CSMD1: variants seen among roughly 807,000 people sequenced by gnomAD.
CSMD1 encodes CUB and Sushi multiple domains 1.
Under a neutral mutation model 417.5 loss-of-function variants are expected in CSMD1, and 213 were observed. The ratio of observed to expected loss-of-function variants is 0.51; its 90% CI spans 0.46 to 0.57. CSMD1 has a LOEUF of 0.57. CSMD1 is among the 20% of genes least tolerant of loss of function. The pLI is 0.00. For missense variants in CSMD1, 6,923 were observed against 4,529.7 expected, an observed-to-expected ratio of 1.53 and a Z score of -15.17; for synonymous variants, 2,862 against 1,736.8, an observed-to-expected ratio of 1.65 and a Z score of -16.11.
intron 2 of CSMD1, among the ~76,000 whole-genome samples, chr8:4,490,234 G>T (rs1563227770): frequency 1.3e-5 from 2 of 151,896 alleles, no homozygotes; most frequent in African/African-American, 4.8e-5. Flanking sequence ...TAGAGACAGG[G>T]TTTCACCATC....
chr8:4,895,604 T>C lies in CSMD1; in HGVS notation c.85+98728A>G, dbSNP rs968423055. 4.1e-4 allele frequency among the ~76,000 whole-genome samples: 63 copies of C among 152,120 alleles called. 1 individual carries two copies. The highest frequency in any genetic ancestry group is 1.4e-3 in the African/African-American group (60 of 41,390). Reference sequence around the variant, plus strand: ...TTGATTATAGTTATTCGGGGGCTTCTTTTTATGATATGACTTTCCTACTCT... The same window carrying C: ...TTGATTATAGTTATTCGGGGGCTTCCTTTTATGATATGACTTTCCTACTCT... On this transcript the variant is annotated intron_variant, in intron 1 of 69. Coordinates refer to ENST00000635120, the MANE Select transcript of CSMD1 (RefSeq NM_033225.6).
chr8:3,092,259 A>G (rs1454050395), intron 47 of CSMD1, among the ~76,000 whole-genome samples: 1 of 152,218 alleles, frequency 6.6e-6, no homozygotes, highest in African/African-American at 2.4e-5. Context: ...ATTAAAATTA[A>G]CAAACTAGAT....
intron 23 of CSMD1, among the ~76,000 whole-genome samples, chr8:3,322,879 C>A (rs192335988): frequency 6.6e-6 from 1 of 152,310 alleles, no homozygotes; most frequent in East Asian, 1.9e-4. Context: ...TGGCAAATGC[C>A]TGACTTAGGA....
At chr8:3,409,367 C>T (rs1812538086) in intron 13 of CSMD1, 56 bp downstream of exon 13, 2 of 1,429,120 alleles carry the variant, frequency 1.4e-6, no homozygotes, top group South Asian at 1.6e-5. Flanking sequence ...TCCTTTTCTC[C>T]CCTTGCAAGA....
chr8:4,204,809 C>T (rs866486747), intron 3 of CSMD1, among the ~76,000 whole-genome samples: 3 of 150,134 alleles, frequency 2.0e-5, no homozygotes, highest in Admixed American at 6.6e-5. Flanking sequence ...CACAGGTCAG[C>T]ACACACAGCT....
chr8:3,618,520 T>A (rs1802257416), intron 7 of CSMD1, among the ~76,000 whole-genome samples: 1 of 152,140 alleles, frequency 6.6e-6, no homozygotes, highest in Non-Finnish European at 1.5e-5. Flanking sequence ...ATGTGACAAT[T>A]ATATTGAATT....
At chr8:3,206,704 A>G (rs1209607592) in intron 30 of CSMD1, among the ~76,000 whole-genome samples, 2 of 150,738 alleles carry the variant, frequency 1.3e-5, no homozygotes, top group African/African-American at 4.9e-5. Flanking sequence ...GTGGGGGGTT[A>G]TGTCTGTGTG....
chr8:3,289,513 C>G (rs1480502805), intron 25 of CSMD1, among the ~76,000 whole-genome samples: 1 of 144,876 alleles, frequency 6.9e-6, no homozygotes, highest in Non-Finnish European at 1.5e-5. Flanking sequence ...TTAATGATCG[C>G]CATTCTAACT....
At chr8:4,521,709 C>A (rs1803461984) in intron 2 of CSMD1, among the ~76,000 whole-genome samples, 1 of 152,086 alleles carries the variant, frequency 6.6e-6, no homozygotes, top group Non-Finnish European at 1.5e-5. Flanking sequence ...CTGGTATAAG[C>A]CAAACATTTC....
chr8:4,914,899 C>T (rs932132715), intron 1 of CSMD1, among the ~76,000 whole-genome samples: 1 of 152,064 alleles, frequency 6.6e-6, no homozygotes, highest in African/African-American at 2.4e-5. Flanking sequence ...TGGGGTATTC[C>T]CAAGTCACAG....
rs140739782 is a variant in CSMD1, at chr8:4,452,896, A to T, written c.303-32831T>A. On this transcript the variant is annotated intron_variant, in intron 2 of 69. Transcript: ENST00000635120. ...CGACTGTGAAACAAATTCAGTAGAG[A>T]AGCAACGATGGGCACAGTGGTAACA... Among the ~76,000 whole-genome samples the T allele has an allele frequency of 2.0e-3, 303 of 152,342 alleles. 1 individual carries two copies. The highest frequency in any genetic ancestry group is 3.7e-3 in the Non-Finnish European group (251 of 68,032).
At chr8:3,624,096 T>G (rs922798) in intron 7 of CSMD1, among the ~76,000 whole-genome samples, 57,630 of 152,122 alleles carry the variant, frequency 0.38, 11,197 homozygotes, top group Middle Eastern at 0.48. Context: ...AAAAACTTAT[T>G]TTTATTTCTT....
Position 3,998,118 on chromosome 8 carries a change from G to A in CSMD1, c.611-8C>T, listed in dbSNP as rs376934356. 6 of 1,551,332 alleles carry A rather than the reference G, an allele frequency of 3.9e-6. No individual in the cohort carries two copies. In the African/African-American group the frequency reaches 4.1e-5, roughly 11 times the overall value. On this transcript the variant is annotated splice_region_variant and splice_polypyrimidine_tract_variant and intron_variant, in intron 4 of 69. Transcript: ENST00000635120. ...CTCCGCAGGCTCCCTCAGCTGCAGG[G>A]GCAAAAGCAGAAAGAAAGCATCACA... is the stretch of plus-strand genomic sequence containing the variant.
intron 26 of CSMD1, among the ~76,000 whole-genome samples, chr8:3,246,899 TTC>T (rs1218631560): frequency 2.0e-5 from 3 of 152,232 alleles, no homozygotes; most frequent in Admixed American, 6.5e-5. Flanking sequence ...TTCCAATTCT[TTC>T]TCTCTTTTTT....
intron 5 of CSMD1, among the ~76,000 whole-genome samples, chr8:3,862,197 T>C (rs1270577807): frequency 6.6e-6 from 1 of 152,218 alleles, no homozygotes; most frequent in Admixed American, 6.5e-5. Context: ...TTTTTCTAAC[T>C]CTTTTACAAA....
At chr8:4,510,390 TAAAAAAAA>T (rs34791623) in intron 2 of CSMD1, among the ~76,000 whole-genome samples, 2,671 of 54,538 alleles carry the variant, frequency 0.049, 25 homozygotes, top group Non-Finnish European at 0.06. Flanking sequence ...GCATAATGCC[TAAAAAAAA>T]AAAAAAAAAA....
intron 7 of CSMD1, among the ~76,000 whole-genome samples, chr8:3,678,653 C>A (rs1179499952): frequency 3.3e-5 from 5 of 152,150 alleles, no homozygotes; most frequent in Admixed American, 6.5e-5. Context: ...CCTAGCAAGG[C>A]AGGCCAACAT....
intron 2 of CSMD1, among the ~76,000 whole-genome samples, chr8:4,435,061 T>A (rs921480315): frequency 3.3e-5 from 5 of 152,164 alleles, no homozygotes; most frequent in Admixed American, 1.3e-4. Context: ...AGTTTGTGTG[T>A]AATATATCGG....
chr8:4,159,223 C>A (rs994024953), intron 3 of CSMD1, among the ~76,000 whole-genome samples: 23 of 152,196 alleles, frequency 1.5e-4, no homozygotes, highest in African/African-American at 5.5e-4. Context: ...GCCCGTAATT[C>A]TTTATTGATA....
Sources: allele counts gnomAD v4.1 joint callset (sites outside exome capture counted in the v4.1 genomes callset), GRCh38; gene constraint gnomAD v4.1.1; transcripts MANE v1.5; gene names NCBI Gene and HGNC (gene_info 2026-07-23, HGNC 2026-07-21).